The following ATP8A2 variants were observed in gnomAD, a reference collection of about 807,000 sequenced individuals.
ATP8A2 encodes ATPase phospholipid transporting 8A2.
A neutral mutation model predicts 165.6 loss-of-function variants in ATP8A2; 100 were observed. That is an observed-to-expected ratio of 0.60 (90% CI 0.51 to 0.71). The LOEUF (loss-of-function observed/expected upper bound fraction) is 0.71. Among genes scored for constraint, ATP8A2 ranks in the 30% least tolerant of loss-of-function variants. The probability of loss-of-function intolerance (pLI) is 0.00; values close to 1 mark genes in which losing one functional copy is unlikely to be tolerated. For synonymous variants in ATP8A2, 543 were observed against 548.8 expected (o/e 0.99, Z 0.15); for missense variants, 1,227 against 1,479.5 (o/e 0.83, Z 2.80).
intron 2 of ATP8A2, among the ~76,000 whole-genome samples, chr13:25,480,141 C>G (rs1212433203): frequency 6.7e-6 from 1 of 149,060 alleles, no homozygotes; most frequent in Non-Finnish European, 1.5e-5. Flanking sequence ...ACCTCCCTCC[C>G]GGATGGGGCA....
At chr13:25,395,221 T>C (rs374407908) in intron 1 of ATP8A2, among the ~76,000 whole-genome samples, 15 of 152,208 alleles carry the variant, frequency 9.9e-5, no homozygotes, top group African/African-American at 3.6e-4. Context: ...TTGGCATTCT[T>C]CTGGTCATCC....
chr13:25,524,120 C>G (rs2037758777), intron 2 of ATP8A2, among the ~76,000 whole-genome samples: 1 of 152,070 alleles, frequency 6.6e-6, no homozygotes, highest in African/African-American at 2.4e-5. Flanking sequence ...ATTGACCTAT[C>G]AGTTGTTGAG....
intron 33 of ATP8A2, among the ~76,000 whole-genome samples, chr13:25,947,633 C>G (rs1407944251): frequency 6.6e-6 from 1 of 152,172 alleles, no homozygotes; most frequent in Non-Finnish European, 1.5e-5. Flanking sequence ...CAGTTTCACT[C>G]TGTGTGATGG....
At chr13:25,653,765 A>C (rs1165838860) in intron 24 of ATP8A2, among the ~76,000 whole-genome samples, 1 of 152,098 alleles carries the variant, frequency 6.6e-6, no homozygotes, top group African/African-American at 2.4e-5. Flanking sequence ...ATTGTGGTGG[A>C]ATAGGAGAGA....
chr13:25,716,356 G>A (rs77496882), intron 25 of ATP8A2, among the ~76,000 whole-genome samples: 1 of 151,780 alleles, frequency 6.6e-6, no homozygotes, highest in African/African-American at 2.4e-5. Context: ...ACTTTTTTTT[G>A]TTGTTGCTTA....
At chr13:25,812,973 G>A (rs1000195079) in intron 27 of ATP8A2, among the ~76,000 whole-genome samples, 2 of 152,058 alleles carry the variant, frequency 1.3e-5, no homozygotes, top group Non-Finnish European at 2.9e-5. Flanking sequence ...GCAAACTAAC[G>A]CAGAAACAGA....
rs533511999 is a variant in ATP8A2, at chr13:25,547,765, T to A, written c.892-3573T>A. Among the ~76,000 whole-genome samples, 57 of 152,302 alleles carry A rather than the reference T, an allele frequency of 3.7e-4. 3 individuals are homozygous for A. The South Asian group carries it at 0.012, about 32-fold the overall frequency. ...TTTCTAACTAGAATTCAATGGCCTG[T>A]TTCTCAGGAGGGAATAAAATATCTA... On this transcript the variant is annotated intron_variant, in intron 10 of 36. Transcript: ENST00000381655.
intron 35 of ATP8A2, among the ~76,000 whole-genome samples, chr13:25,980,449 C>T (rs1396723326): frequency 1.3e-5 from 2 of 152,038 alleles, no homozygotes; most frequent in Non-Finnish European, 1.5e-5. Flanking sequence ...ATAAGAAGGC[C>T]TGTAGGGGGA....
At position 25,701,294 on chromosome 13, in the gene ATP8A2, A is replaced by T. The variant is rs116849774; in HGVS notation, c.2384+1949A>T. On this transcript the variant is annotated intron_variant, in intron 25 of 36. Transcript: ENST00000381655. Reference sequence around the variant, plus strand: ...TTTCTTTCCTGGGTTCTATTTGAGCAGTTTAGATTAGGGCTATGCAAATGG... The same window carrying T: ...TTTCTTTCCTGGGTTCTATTTGAGCTGTTTAGATTAGGGCTATGCAAATGG... Among the ~76,000 whole-genome samples, 405 of 152,302 alleles carry T rather than the reference A, an allele frequency of 2.7e-3. 1 individual carries two copies. The highest frequency in any genetic ancestry group is 6.8e-3 in the Middle Eastern group (2 of 294).
At position 25,530,596 on chromosome 13, in the gene ATP8A2, C is replaced by T; in HGVS notation, c.356C>T (p.Thr119Ile). The stretch of plus-strand genomic sequence containing the variant: ...GATGTATCTCCAACAGGAAGATATA[C>T]CACCCTGGTGCCATTGATCATTATT... ...IPDVSPTGRYTTLVPLIIILT... is the reference protein window; with the variant it reads ...IPDVSPTGRYITLVPLIIILT... Residue 119 changes from threonine (T) to isoleucine (I), a missense_variant, in exon 4 of 37, where the codon ACC (threonine) becomes ATC (isoleucine). Physicochemically the swap from Thr to Ile is moderately conservative, Grantham distance 89 (BLOSUM62 -1). This residue lies in a region of ATP8A2 where 356 missense variants were observed against 394.9 expected (regional missense o/e 0.90). Coordinates refer to ENST00000381655, the MANE Select transcript of ATP8A2 (RefSeq NM_016529.6). 1 of 1,591,874 alleles carries T rather than the reference C, an allele frequency of 6.3e-7. No individual in the cohort carries two copies. Among genetic ancestry groups the T allele is most frequent in the Non-Finnish European group, 8.6e-7 (1 of 1,165,990 alleles).
At chr13:25,923,037 A>G (rs1312893549) in intron 33 of ATP8A2, among the ~76,000 whole-genome samples, 2 of 152,222 alleles carry the variant, frequency 1.3e-5, no homozygotes, top group African/African-American at 4.8e-5. Context: ...AAGTGGGGTT[A>G]AATAGAACCA....
intron 1 of ATP8A2, among the ~76,000 whole-genome samples, chr13:25,460,145 G>A (rs1178110990): frequency 6.6e-6 from 1 of 152,196 alleles, no homozygotes; most frequent in Non-Finnish European, 1.5e-5. Flanking sequence ...AGGTTGCAGT[G>A]AGCCGAGATT....
intron 35 of ATP8A2, among the ~76,000 whole-genome samples, chr13:25,996,596 C>G (rs1470042713): frequency 6.6e-6 from 1 of 152,216 alleles, no homozygotes; most frequent in Non-Finnish European, 1.5e-5. Context: ...GTGATCTCAG[C>G]TCACTGCAAC....
chr13:25,661,492 GT>G (rs2042050228), intron 24 of ATP8A2, among the ~76,000 whole-genome samples: 1 of 151,930 alleles, frequency 6.6e-6, no homozygotes, highest in Non-Finnish European at 1.5e-5. Context: ...ACCTAAGATT[GT>G]TTTTTTCTTT....
chr13:26,001,436 T>G (rs149853918), intron 35 of ATP8A2, among the ~76,000 whole-genome samples: 1 of 152,306 alleles, frequency 6.6e-6, no homozygotes, highest in East Asian at 1.9e-4. Context: ...TGTGTCTAAC[T>G]TACCAAGGAA....
chr13:25,516,437 A>G (rs905884456), intron 2 of ATP8A2, among the ~76,000 whole-genome samples: 1 of 152,172 alleles, frequency 6.6e-6, no homozygotes, highest in African/African-American at 2.4e-5. Flanking sequence ...AGTAGGGATT[A>G]TTTCCCTCTG....
At chr13:25,853,347 G>A (rs1041260221) in intron 30 of ATP8A2, among the ~76,000 whole-genome samples, 1 of 149,062 alleles carries the variant, frequency 6.7e-6, no homozygotes, top group Non-Finnish European at 1.5e-5. Context: ...AGCTGAGATT[G>A]TGCCACTGCA....
intron 23 of ATP8A2, among the ~76,000 whole-genome samples, chr13:25,583,508 C>T (rs983799566): frequency 1.3e-5 from 2 of 152,188 alleles, no homozygotes; most frequent in African/African-American, 4.8e-5. Flanking sequence ...GAACTACCTT[C>T]AGTGTGTTCT....
At chr13:25,504,645 C>T (rs2036970392) in intron 2 of ATP8A2, among the ~76,000 whole-genome samples, 1 of 144,584 alleles carries the variant, frequency 6.9e-6, no homozygotes, top group African/African-American at 2.6e-5. Context: ...GAGGCTGAGG[C>T]AGGAGAATGG....
Sources: allele counts gnomAD v4.1 joint callset (sites outside exome capture counted in the v4.1 genomes callset), GRCh38; gene constraint gnomAD v4.1.1; regional missense constraint gnomAD v4.1.1; transcripts MANE v1.5; gene names NCBI Gene and HGNC (gene_info 2026-07-23, HGNC 2026-07-21).